Variants in CES5A observed in about 807,000 individuals in gnomAD.
The protein encoded by CES5A is carboxylesterase 5.
CES5A carries 67 observed loss-of-function variants against 62.9 expected under a neutral mutation model. That is an observed-to-expected ratio of 1.07 (90% CI 0.88 to 1.31). The LOEUF is 1.31. Ranked by LOEUF, CES5A falls within the 50% of genes most tolerant of loss-of-function variation. CES5A has a pLI of 0.00. For missense variants in CES5A, 748 were observed against 708.5 expected (o/e 1.06, Z -0.63); for synonymous variants, 296 against 280.8 (o/e 1.05, Z -0.54).
At chr16:55,923,051 G>T (rs757088611) in intron 1 of CES5A, among the ~76,000 whole-genome samples, 1 of 151,256 alleles carries the variant, frequency 6.6e-6, no homozygotes, top group African/African-American at 2.4e-5. Flanking sequence ...AATAAGAGAG[G>T]AGTTTATAGC....
At chr16:55,869,007 G>A (rs190166491) in intron 4 of CES5A, among the ~76,000 whole-genome samples, 3 of 152,350 alleles carry the variant, frequency 2.0e-5, no homozygotes, top group Admixed American at 6.5e-5. Context: ...ATTGGAGGAG[G>A]GAAGCCACTG....
At chr16:55,940,767 C>A (rs1368455681) in intron 2 of CES5A, among the ~76,000 whole-genome samples, 8 of 151,500 alleles carry the variant, frequency 5.3e-5, no homozygotes, top group Non-Finnish European at 4.4e-5. Context: ...CAAAATTTCT[C>A]AGCAAAATAA....
chr16:55,941,554 A>G (rs894066260), intron 2 of CES5A, among the ~76,000 whole-genome samples: 2 of 152,150 alleles, frequency 1.3e-5, no homozygotes, highest in Non-Finnish European at 2.9e-5. Flanking sequence ...AATGATCTAC[A>G]TATTTAACAC....
chr16:55,942,442 T>A (rs181718544), intron 2 of CES5A, among the ~76,000 whole-genome samples: 1 of 152,208 alleles, frequency 6.6e-6, no homozygotes, highest in Admixed American at 6.5e-5. Flanking sequence ...AAGATACACA[T>A]ATAGCTAATA....
chr16:55,937,839 C>G (rs1251461741), intron 2 of CES5A, among the ~76,000 whole-genome samples: 3 of 152,160 alleles, frequency 2.0e-5, no homozygotes, highest in African/African-American at 7.2e-5. Flanking sequence ...TATTGGGCTA[C>G]AAGCTTACTG....
intron 2 of CES5A, among the ~76,000 whole-genome samples, chr16:55,938,995 T>C (rs2034418669): frequency 6.6e-6 from 1 of 151,594 alleles, no homozygotes; most frequent in Admixed American, 6.6e-5. Flanking sequence ...ATGTGGGAGA[T>C]GATTACTAGT....
At chr16:55,868,979 C>A (rs553133750) in intron 4 of CES5A, among the ~76,000 whole-genome samples, 1 of 152,322 alleles carries the variant, frequency 6.6e-6, no homozygotes, top group African/African-American at 2.4e-5. Flanking sequence ...AGTGAAAGCC[C>A]AGTACATGTT....
chr16:55,932,776 T>C (rs1252139410), intron 2 of CES5A, among the ~76,000 whole-genome samples: 1 of 152,130 alleles, frequency 6.6e-6, no homozygotes, highest in Admixed American at 6.5e-5. Context: ...GAGATGAGGT[T>C]CAAGAGGGAG....
intron 1 of CES5A, among the ~76,000 whole-genome samples, chr16:55,902,544 T>A (rs192730960): frequency 6.6e-6 from 1 of 152,316 alleles, no homozygotes; most frequent in Admixed American, 6.5e-5. Context: ...CACTTTGGAT[T>A]CTTCTCCATG....
intron 3 of CES5A, 93 bp from the exon 4 acceptor site, chr16:55,869,837 A>C: frequency 6.8e-7 from 1 of 1,462,346 alleles, no homozygotes; most frequent in African/African-American, 1.4e-5. Context: ...GTGAAATATA[A>C]ATGTCCCACT....
chr16:55,930,757 A>G (rs2034302405), intron 2 of CES5A, among the ~76,000 whole-genome samples: 1 of 152,188 alleles, frequency 6.6e-6, no homozygotes, highest in African/African-American at 2.4e-5. Flanking sequence ...TTCCAGTGCT[A>G]AACTGTAGGC....
intron 8 of CES5A, among the ~76,000 whole-genome samples, chr16:55,857,345 A>T (rs773767294): frequency 1.3e-5 from 2 of 152,190 alleles, no homozygotes; most frequent in African/African-American, 2.4e-5. Context: ...GCTTCCTGTG[A>T]TTATTTGTTA....
intron 8 of CES5A, among the ~76,000 whole-genome samples, chr16:55,858,879 C>A (rs1359524124): frequency 6.6e-6 from 1 of 152,140 alleles, no homozygotes; most frequent in Non-Finnish European, 1.5e-5. Flanking sequence ...AACAATCACT[C>A]CCTAGAAGAG....
At chr16:55,946,895 A>C (rs2034501151) in intron 2 of CES5A, among the ~76,000 whole-genome samples, 1 of 152,204 alleles carries the variant, frequency 6.6e-6, no homozygotes, top group South Asian at 2.1e-4. Flanking sequence ...TTGTGATGGA[A>C]GAAGCCCAAG....
chr16:55,861,530 A>C lies in CES5A; in HGVS notation c.811-14T>G, dbSNP rs2033350970. 1.3e-6 allele frequency: 2 copies of C among 1,573,556 alleles called. No individual in the cohort carries two copies. The highest frequency in any genetic ancestry group is 4.5e-5 in the East Asian group (2 of 44,652). On this transcript the variant is annotated splice_polypyrimidine_tract_variant and intron_variant, in intron 6 of 12. Transcript: ENST00000290567. ...AACCACCTGCAGCTATTTTGTAGAG[A>C]AGGACCGGGTTAGAGCATGATATTG...
At chr16:55,870,291 A>G (rs1226861201) in intron 3 of CES5A, among the ~76,000 whole-genome samples, 1 of 151,562 alleles carries the variant, frequency 6.6e-6, no homozygotes, top group Non-Finnish European at 1.5e-5. Context: ...AGGAGGTGAG[A>G]GGAGGAGGGG....
intron 2 of CES5A, among the ~76,000 whole-genome samples, chr16:55,945,112 TTGGA>T (rs2034480783): frequency 6.6e-6 from 1 of 152,200 alleles, no homozygotes; most frequent in Non-Finnish European, 1.5e-5. Flanking sequence ...GTTCTTTGGC[TTGGA>T]ATGGGGTCTA....
intron 11 of CES5A, among the ~76,000 whole-genome samples, chr16:55,847,087 CA>C (rs1174071703): frequency 2.0e-5 from 3 of 152,164 alleles, no homozygotes; most frequent in Admixed American, 6.5e-5. Context: ...CGTGTTCCTG[CA>C]GCCAGTCCCA....
At chr16:55,854,341 C>G (rs1224689228) in intron 9 of CES5A, among the ~76,000 whole-genome samples, 5 of 151,920 alleles carry the variant, frequency 3.3e-5, no homozygotes, top group Non-Finnish European at 4.4e-5. Flanking sequence ...TCAGTTGTTC[C>G]CCTCACCTAT....
Sources: allele counts gnomAD v4.1 joint callset (sites outside exome capture counted in the v4.1 genomes callset), GRCh38; gene constraint gnomAD v4.1.1; transcripts MANE v1.5; gene names NCBI Gene and HGNC (gene_info 2026-07-23, HGNC 2026-07-21).